TENM4: variants seen among roughly 807,000 people sequenced by gnomAD.
TENM4 encodes the protein teneurin-4.
Under a neutral mutation model 243.3 loss-of-function variants are expected in TENM4, and 82 were observed. That is an observed-to-expected ratio of 0.34 (90% confidence interval 0.28 to 0.40). The LOEUF (loss-of-function observed/expected upper bound fraction) is 0.40, where lower values mean the gene tolerates loss of function less well. Among genes scored for constraint, TENM4 ranks in the 10% least tolerant of loss-of-function variants. TENM4 has a pLI of 1.00. For missense variants in TENM4, 3,138 were observed against 3,673.3 expected (o/e 0.85, Z 3.77); for synonymous variants, 1,412 against 1,456.3 (o/e 0.97, Z 0.69).
intron 6 of TENM4, among the ~76,000 whole-genome samples, chr11:78,988,974 G>A (rs144069149): frequency 3.2e-4 from 48 of 152,348 alleles, no homozygotes; most frequent in Middle Eastern, 3.4e-3. Context: ...ACTGCATGAG[G>A]CCACGATTCC....
intron 1 of TENM4, among the ~76,000 whole-genome samples, chr11:79,373,770 T>C (rs1857835120): frequency 6.6e-6 from 1 of 152,174 alleles, no homozygotes; most frequent in South Asian, 2.1e-4. Context: ...TTATATGAAA[T>C]GTTATATAAA....
At chr11:79,070,551 C>T (rs1423240341) in intron 4 of TENM4, among the ~76,000 whole-genome samples, 1 of 152,190 alleles carries the variant, frequency 6.6e-6, no homozygotes, top group Non-Finnish European at 1.5e-5. Flanking sequence ...CTTACCACTA[C>T]CAGATGATTA....
intron 2 of TENM4, among the ~76,000 whole-genome samples, chr11:79,278,706 C>G (rs533584789): frequency 1.3e-5 from 2 of 152,180 alleles, no homozygotes; most frequent in Non-Finnish European, 2.9e-5. Flanking sequence ...GGAAGCTAGC[C>G]CATTAGTGAG....
chr11:79,329,090 G>A (rs1282130230), intron 1 of TENM4, among the ~76,000 whole-genome samples: 5 of 152,216 alleles, frequency 3.3e-5, no homozygotes, highest in Admixed American at 3.3e-4. Flanking sequence ...CAGCTAAGCT[G>A]TTCAAAAGCC....
chr11:79,221,142 G>C (rs1216972701), intron 2 of TENM4: 1 of 152,250 alleles, frequency 6.6e-6, no homozygotes, highest in African/African-American at 2.4e-5. Context: ...GCATGGCAGC[G>C]GGGGAAGAAA....
At chr11:79,374,927 G>C (rs1156877365) in intron 1 of TENM4, among the ~76,000 whole-genome samples, 1 of 152,194 alleles carries the variant, frequency 6.6e-6, no homozygotes, top group Non-Finnish European at 1.5e-5. Flanking sequence ...CGACGGGCAA[G>C]CCTTGAACTC....
chr11:79,295,724 A>C (rs1856438429), intron 2 of TENM4, among the ~76,000 whole-genome samples: 1 of 152,116 alleles, frequency 6.6e-6, no homozygotes, highest in Admixed American at 6.6e-5. Flanking sequence ...TCTGACCCCA[A>C]AGAAGAGGGC....
At chr11:79,104,428 A>G (rs1861311521) in intron 4 of TENM4, among the ~76,000 whole-genome samples, 1 of 152,220 alleles carries the variant, frequency 6.6e-6, no homozygotes. Flanking sequence ...TCATACGATC[A>G]CGTTTTTAAC....
At position 78,990,573 on chromosome 11, in the gene TENM4, A is replaced by T. The variant is rs112818308; in HGVS notation, c.493+74165T>A. Reference sequence around the variant, plus strand: ...ATCCACGAGATATACTGTTCAGTGGAAAAAAACAACTTGCAGAGCAGCAAA... The same window carrying T: ...ATCCACGAGATATACTGTTCAGTGGTAAAAAACAACTTGCAGAGCAGCAAA... On this transcript the variant is annotated intron_variant, in intron 6 of 33. Transcript: ENST00000278550. 6.7e-3 allele frequency among the ~76,000 whole-genome samples: 1,014 copies of T among 152,318 alleles called. 8 individuals carry two copies. The highest frequency in any genetic ancestry group is 0.022 in the African/African-American group (907 of 41,568).
chr11:78,829,780 C>T (rs1483709665), intron 12 of TENM4, among the ~76,000 whole-genome samples: 1 of 152,144 alleles, frequency 6.6e-6, no homozygotes, highest in African/African-American at 2.4e-5. Flanking sequence ...GAAATAGGGG[C>T]CTGCAGACCC....
At chr11:79,340,414 C>G (rs544290252) in intron 1 of TENM4, among the ~76,000 whole-genome samples, 1 of 152,106 alleles carries the variant, frequency 6.6e-6, no homozygotes, top group Non-Finnish European at 1.5e-5. Flanking sequence ...CCAGGGACCA[C>G]CAGCTCTTGA....
At chr11:78,941,698 T>C (rs1254533342) in intron 6 of TENM4, among the ~76,000 whole-genome samples, 1 of 152,108 alleles carries the variant, frequency 6.6e-6, no homozygotes, top group African/African-American at 2.4e-5. Flanking sequence ...CAGCGTGTTG[T>C]AGAATCCAGA....
intron 6 of TENM4, among the ~76,000 whole-genome samples, chr11:79,009,120 G>T (rs1418647851): frequency 2.6e-5 from 4 of 152,104 alleles, no homozygotes; most frequent in Non-Finnish European, 5.9e-5. Flanking sequence ...TGCCATATTT[G>T]TTACAAAAAT....
chr11:79,253,053 G>C (rs1855639399), intron 2 of TENM4, among the ~76,000 whole-genome samples: 1 of 152,144 alleles, frequency 6.6e-6, no homozygotes, highest in Non-Finnish European at 1.5e-5. Context: ...AAAGACAAAG[G>C]CTCCAAGAAG....
intron 12 of TENM4, among the ~76,000 whole-genome samples, chr11:78,846,993 G>A (rs1367783497): frequency 1.3e-5 from 2 of 152,194 alleles, no homozygotes; most frequent in Admixed American, 1.3e-4. Context: ...CCAAAGAAAT[G>A]TAAGCTGAAT....
At chr11:78,819,318 C>T (rs887982528) in intron 12 of TENM4, among the ~76,000 whole-genome samples, 2 of 152,208 alleles carry the variant, frequency 1.3e-5, no homozygotes, top group African/African-American at 4.8e-5. Flanking sequence ...ACTAAGTTCT[C>T]CTGAGTCCAG....
intron 9 of TENM4, among the ~76,000 whole-genome samples, chr11:78,875,577 C>G (rs866372816): frequency 1.3e-5 from 2 of 152,018 alleles, no homozygotes; most frequent in Non-Finnish European, 2.9e-5. Flanking sequence ...TCCCTAAATG[C>G]CCCCCAGCAT....
At chr11:79,322,463 G>A (rs1374615858) in intron 1 of TENM4, among the ~76,000 whole-genome samples, 5 of 152,146 alleles carry the variant, frequency 3.3e-5, no homozygotes, top group East Asian at 1.9e-4. Flanking sequence ...ACAGCACCTC[G>A]TAGGCTCCTT....
At position 78,667,092 on chromosome 11, in the gene TENM4, T is replaced by G. The variant is rs78848245; in HGVS notation, c.7408+1845A>C. Reference sequence around the variant, plus strand: ...AGACAGATGTAATGGAAATGTCATCTCAATCTGTCAAGTTTCTCTAGAACT... The same window carrying G: ...AGACAGATGTAATGGAAATGTCATCGCAATCTGTCAAGTTTCTCTAGAACT... On this transcript the variant is annotated intron_variant, in intron 32 of 33. Coordinates refer to ENST00000278550, the MANE Select transcript of TENM4 (RefSeq NM_001098816.3). Among the ~76,000 whole-genome samples the G allele has an allele frequency of 4.3e-3, 651 of 152,308 alleles. 1 individual carries two copies. Among genetic ancestry groups the G allele is most frequent in the African/African-American group, 0.014 (602 of 41,556 alleles).
Sources: allele counts gnomAD v4.1 joint callset (sites outside exome capture counted in the v4.1 genomes callset), GRCh38; gene constraint gnomAD v4.1.1; transcripts MANE v1.5; gene names NCBI Gene and HGNC (gene_info 2026-07-23, HGNC 2026-07-21).